Variants in BIRC6 observed in about 807,000 individuals in gnomAD.
The protein encoded by BIRC6 is dual E2 ubiquitin-conjugating enzyme/E3 ubiquitin-protein ligase BIRC6.
Under a neutral mutation model 503.3 loss-of-function variants are expected in BIRC6, and 98 were observed. The ratio of observed to expected loss-of-function variants is 0.19; its 90% CI spans 0.17 to 0.23. The LOEUF (loss-of-function observed/expected upper bound fraction) is 0.23. Among genes scored for constraint, BIRC6 ranks in the 10% least tolerant of loss-of-function variants. BIRC6 has a pLI of 1.00. For synonymous variants in BIRC6, 2,240 were observed against 2,078.7 expected (o/e 1.08, Z -2.11); for missense variants, 5,360 against 5,806.0 (o/e 0.92, Z 2.50).
chr2:32,494,764 A>C (rs2052234712), intron 45 of BIRC6, among the ~76,000 whole-genome samples: 1 of 151,930 alleles, frequency 6.6e-6, no homozygotes, highest in Non-Finnish European at 1.5e-5. Context: ...AAAAGAAATT[A>C]GCTAGGGTGT....
intron 1 of BIRC6, among the ~76,000 whole-genome samples, chr2:32,376,567 G>A (rs1023977414): frequency 6.6e-6 from 1 of 151,924 alleles, no homozygotes; most frequent in African/African-American, 2.4e-5. Context: ...GTGACATACT[G>A]TTTTCTTAAT....
At chr2:32,449,347 C>G (rs1477905485) in intron 22 of BIRC6, among the ~76,000 whole-genome samples, 1 of 152,134 alleles carries the variant, frequency 6.6e-6, no homozygotes, top group East Asian at 1.9e-4. Context: ...GATGCACAAA[C>G]AAAAGATAAT....
intron 57 of BIRC6, among the ~76,000 whole-genome samples, chr2:32,520,686 G>A (rs987736124): frequency 5.9e-5 from 9 of 152,082 alleles, no homozygotes; most frequent in East Asian, 1.9e-4. Context: ...GTATGATAGC[G>A]TGCACCTGTA....
intron 10 of BIRC6, 48 bp downstream of exon 10, chr2:32,416,211 T>C (rs908837555): frequency 6.7e-7 from 1 of 1,496,972 alleles, no homozygotes; most frequent in Non-Finnish European, 8.9e-7. Context: ...CATGTATATA[T>C]GGCATTTGTT....
chr2:32,461,047 CTT>C lies in BIRC6; in HGVS notation c.4754-2146_4754-2145del, dbSNP rs1558789622. Reference sequence around the variant, plus strand: ...CTTCTCTTCTCTTCTCTTCTCTTCTCTTCTCTTCTCTTCTCTTCTGTTCTCCT... The same window carrying C: ...CTTCTCTTCTCTTCTCTTCTCTTCTCCTCTTCTCTTCTCTTCTGTTCTCCT... On this transcript the variant is annotated intron_variant, in intron 23 of 73. Transcript: ENST00000421745. Among the ~76,000 whole-genome samples, 208 of 70,756 alleles carry C rather than the reference CTT, an allele frequency of 2.9e-3. 3 individuals carry two copies. The highest frequency in any genetic ancestry group is 3.4e-3 in the East Asian group (9 of 2,686). 46.4% of individuals were successfully genotyped at this position (70,756 alleles called of 152,430 possible).
chr2:32,370,667 T>G (rs1314786726), intron 1 of BIRC6, among the ~76,000 whole-genome samples: 1 of 152,218 alleles, frequency 6.6e-6, no homozygotes, highest in East Asian at 1.9e-4. Flanking sequence ...TGTGAGAACC[T>G]TACATTAATT....
At chr2:32,404,034 T>A in intron 8 of BIRC6, among the ~76,000 whole-genome samples, 1 of 151,728 alleles carries the variant, frequency 6.6e-6, no homozygotes, top group East Asian at 1.9e-4. Context: ...TTCAAATGAT[T>A]TTTCTGCCTT....
At chr2:32,411,519 C>T (rs1233731260) in intron 9 of BIRC6, among the ~76,000 whole-genome samples, 1 of 143,228 alleles carries the variant, frequency 7.0e-6, no homozygotes, top group Non-Finnish European at 1.5e-5. Context: ...ACTCTGTTGT[C>T]CAGGCTGGAG....
At position 32,470,428 on chromosome 2, in the gene BIRC6, T is replaced by G; in HGVS notation, c.6481+127T>G. The stretch of plus-strand genomic sequence containing the variant: ...CATTTAATATTTTTATGATGTAAGC[T>G]TTTAAGAATGAGCAACCCTCATGTG... On this transcript the variant is annotated intron_variant, in intron 31 of 73. Transcript: ENST00000421745. The G allele has an allele frequency of 3.1e-6, 3 of 962,996 alleles. No individual in the cohort carries two copies. In the South Asian group the frequency reaches 5.7e-5, roughly 18 times the overall value. The allele number at this position is 962,996 out of a possible 1,614,324, so 59.7% of individuals were successfully genotyped here.
intron 71 of BIRC6, among the ~76,000 whole-genome samples, chr2:32,603,632 G>A (rs2062216435): frequency 6.6e-6 from 1 of 152,110 alleles, no homozygotes; most frequent in South Asian, 2.1e-4. Context: ...TCTGAGGTAG[G>A]AGAATCGCTG....
chr2:32,538,320 G>A (rs1216345209), intron 61 of BIRC6, among the ~76,000 whole-genome samples: 1 of 152,126 alleles, frequency 6.6e-6, no homozygotes, highest in Non-Finnish European at 1.5e-5. Flanking sequence ...CTAGAATGCT[G>A]AAAAAGCTGT....
chr2:32,488,001 T>A (rs2886799), intron 41 of BIRC6, among the ~76,000 whole-genome samples, 200 bp downstream of exon 41: 152,263 of 152,264 alleles, frequency 1, 76,131 homozygotes, highest in Non-Finnish European at 1. Flanking sequence ...TTAAGATTTT[T>A]AGCTTCAGTA....
At chr2:32,463,156 GT>G in intron 23 of BIRC6, 37 bp from the exon 24 acceptor site, 1 of 1,529,698 alleles carries the variant, frequency 6.5e-7, no homozygotes, top group Non-Finnish European at 8.8e-7. Context: ...TCATCCTGGT[GT>G]TTTTTGTTTT....
At chr2:32,539,582 G>C (rs1323261087) in intron 61 of BIRC6, among the ~76,000 whole-genome samples, 6 of 152,106 alleles carry the variant, frequency 3.9e-5, no homozygotes, top group Non-Finnish European at 7.4e-5. Context: ...GTAACACATG[G>C]ATGAAAGAAG....
chr2:32,421,881 A>T (rs2042987291), intron 10 of BIRC6, among the ~76,000 whole-genome samples: 1 of 152,154 alleles, frequency 6.6e-6, no homozygotes, highest in Admixed American at 6.5e-5. Flanking sequence ...AGTCTTCCTG[A>T]TTTTATATTG....
intron 12 of BIRC6, among the ~76,000 whole-genome samples, chr2:32,432,232 A>G (rs2044205673): frequency 6.6e-6 from 1 of 152,164 alleles, no homozygotes. Flanking sequence ...CCTGGCCAAT[A>G]TGGTGAAACG....
intron 15 of BIRC6, among the ~76,000 whole-genome samples, chr2:32,438,057 G>A (rs528191457): frequency 2.6e-5 from 4 of 152,278 alleles, no homozygotes; most frequent in African/African-American, 9.6e-5. Context: ...CTCCCAAAGT[G>A]CTAGGATTAC....
At chr2:32,601,255 G>T (rs926550421) in intron 70 of BIRC6, among the ~76,000 whole-genome samples, 2 of 152,250 alleles carry the variant, frequency 1.3e-5, no homozygotes, top group Admixed American at 1.3e-4. Flanking sequence ...AGCATTGAAA[G>T]AGTAGTAAGG....
chr2:32,558,659 A>G (rs1340191212), intron 65 of BIRC6: 1 of 152,218 alleles, frequency 6.6e-6, no homozygotes, highest in South Asian at 2.1e-4. Flanking sequence ...CTTACCCTAC[A>G]TTGCATCAGG....
Sources: allele counts gnomAD v4.1 joint callset (sites outside exome capture counted in the v4.1 genomes callset), GRCh38; gene constraint gnomAD v4.1.1; transcripts MANE v1.5; gene names NCBI Gene and HGNC (gene_info 2026-07-23, HGNC 2026-07-21).